The following LRRC4C variants were observed in gnomAD, a reference collection of about 807,000 sequenced individuals.
LRRC4C encodes the protein leucine-rich repeat-containing protein 4C.
In LRRC4C, 5 loss-of-function variants were observed where a neutral mutation model predicts 33.6. That is an observed-to-expected ratio of 0.15 (90% CI 0.08 to 0.31). The LOEUF (loss-of-function observed/expected upper bound fraction) is 0.31, where lower values mean the gene tolerates loss of function less well. LRRC4C is among the 10% of genes least tolerant of loss of function. The probability of loss-of-function intolerance (pLI) is 1.00; values close to 1 mark genes in which losing one functional copy is unlikely to be tolerated. For missense variants in LRRC4C, 560 were observed against 796.7 expected, an observed-to-expected ratio of 0.70 and a Z score of 3.58; for synonymous variants, 329 against 302.0, an observed-to-expected ratio of 1.09 and a Z score of -0.93.
At chr11:40,761,406 T>G (rs957369466) in intron 2 of LRRC4C, among the ~76,000 whole-genome samples, 3 of 152,160 alleles carry the variant, frequency 2.0e-5, no homozygotes, top group African/African-American at 7.2e-5. Context: ...GCAAGCCACT[T>G]AATGAGTTTT....
chr11:40,607,965 C>T (rs560924267), intron 3 of LRRC4C, among the ~76,000 whole-genome samples: 2 of 152,254 alleles, frequency 1.3e-5, no homozygotes, highest in East Asian at 3.9e-4. Context: ...AAGCAAGCCA[C>T]TTCTCCTGTT....
intron 5 of LRRC4C, among the ~76,000 whole-genome samples, chr11:40,212,547 T>C (rs1863681855): frequency 6.6e-6 from 1 of 152,116 alleles, no homozygotes; most frequent in Non-Finnish European, 1.5e-5. Context: ...GTTATATCTC[T>C]TCCAATATGT....
intron 2 of LRRC4C, among the ~76,000 whole-genome samples, chr11:40,749,049 A>G (rs1397395127): frequency 1.3e-5 from 2 of 152,146 alleles, no homozygotes; most frequent in Non-Finnish European, 2.9e-5. Flanking sequence ...AGGAGATTCA[A>G]CGTAAGACAG....
intron 1 of LRRC4C, among the ~76,000 whole-genome samples, chr11:40,953,571 A>G (rs775584500): frequency 4.6e-5 from 7 of 151,904 alleles, no homozygotes; most frequent in Non-Finnish European, 1.0e-4. Flanking sequence ...AGGCATCACT[A>G]TATTTCACAG....
At chr11:40,369,584 C>T (rs1033345647) in intron 3 of LRRC4C, among the ~76,000 whole-genome samples, 9 of 152,196 alleles carry the variant, frequency 5.9e-5, no homozygotes, top group African/African-American at 1.2e-4. Context: ...GTGGTCTGCC[C>T]GCCTCAGCCT....
chr11:41,044,081 T>C (rs1160731435), intron 1 of LRRC4C, among the ~76,000 whole-genome samples: 1 of 152,062 alleles, frequency 6.6e-6, no homozygotes, highest in Admixed American at 6.6e-5. Flanking sequence ...AACTGTCATC[T>C]CTCCTTTGGG....
intron 3 of LRRC4C, among the ~76,000 whole-genome samples, chr11:40,489,294 C>T (rs1207305330): frequency 1.3e-5 from 2 of 152,066 alleles, no homozygotes; most frequent in Non-Finnish European, 2.9e-5. Context: ...TCACTCTCTG[C>T]CTACAATGTC....
intron 5 of LRRC4C, among the ~76,000 whole-genome samples, chr11:40,165,543 T>C (rs756578927): frequency 2.6e-5 from 4 of 152,260 alleles, no homozygotes; most frequent in Non-Finnish European, 5.9e-5. Flanking sequence ...CCACTGATTT[T>C]GGACTCTGCA....
chr11:40,613,688 G>C (rs1961466620), intron 3 of LRRC4C, among the ~76,000 whole-genome samples: 1 of 151,672 alleles, frequency 6.6e-6, no homozygotes, highest in Non-Finnish European at 1.5e-5. Flanking sequence ...AATTTACTTT[G>C]CCAAGATCCA....
At chr11:40,569,928 G>C (rs1957916168) in intron 3 of LRRC4C, among the ~76,000 whole-genome samples, 1 of 144,504 alleles carries the variant, frequency 6.9e-6, no homozygotes, top group Admixed American at 6.7e-5. Flanking sequence ...TTCATAAAAG[G>C]TTTACCGAGT....
chr11:40,652,250 A>G (rs1232107573), intron 2 of LRRC4C, among the ~76,000 whole-genome samples: 1 of 152,302 alleles, frequency 6.6e-6, no homozygotes, highest in East Asian at 1.9e-4. Flanking sequence ...CTTTTCATAG[A>G]TATCTAGGAT....
intron 1 of LRRC4C, among the ~76,000 whole-genome samples, chr11:41,324,299 A>G (rs1263873604): frequency 6.6e-6 from 1 of 152,100 alleles, no homozygotes; most frequent in Non-Finnish European, 1.5e-5. Context: ...GTGTGGTGGC[A>G]TGTGCCTGTA....
At chr11:40,488,229 T>G (rs1953964054) in intron 3 of LRRC4C, among the ~76,000 whole-genome samples, 1 of 152,126 alleles carries the variant, frequency 6.6e-6, no homozygotes, top group Non-Finnish European at 1.5e-5. Flanking sequence ...CCAATTCTTC[T>G]GGCTTAACTC....
intron 3 of LRRC4C, among the ~76,000 whole-genome samples, chr11:40,336,898 A>G (rs1033067592): frequency 7.0e-6 from 1 of 143,264 alleles, no homozygotes; most frequent in African/African-American, 2.6e-5. Context: ...AATGGCGTGA[A>G]CCCGGAAGGC....
At chr11:40,233,326 C>T (rs371124155) in intron 5 of LRRC4C, among the ~76,000 whole-genome samples, 2 of 152,154 alleles carry the variant, frequency 1.3e-5, no homozygotes, top group African/African-American at 4.8e-5. Context: ...AGTTATTTAA[C>T]TGGCATTATG....
At chr11:40,948,636 C>A (rs1392333060) in intron 1 of LRRC4C, among the ~76,000 whole-genome samples, 1 of 147,332 alleles carries the variant, frequency 6.8e-6, no homozygotes, top group African/African-American at 2.5e-5. Context: ...TTTGTTCTTG[C>A]GATAGTTTAC....
intron 2 of LRRC4C, among the ~76,000 whole-genome samples, chr11:40,717,889 T>C (rs1946812820): frequency 6.6e-6 from 1 of 152,186 alleles, no homozygotes; most frequent in South Asian, 2.1e-4. Context: ...AATGCAAAGA[T>C]GGCTTAAATA....
In LRRC4C at chr11:40,139,155, G is replaced by A. The variant is rs139577940; in HGVS notation, c.-43+1646C>T. On this transcript the variant is annotated intron_variant, in intron 6 of 6. Coordinates refer to ENST00000528697, the MANE Select transcript of LRRC4C (RefSeq NM_001258419.2). ...CGAGAACTGAGGGGAAAAGAGTTTCGGAGGGTTAAAGGAAGAAAAGAAGAC... is the reference window on the plus strand; with the variant it reads ...CGAGAACTGAGGGGAAAAGAGTTTCAGAGGGTTAAAGGAAGAAAAGAAGAC... 1.4e-3 allele frequency among the ~76,000 whole-genome samples: 220 copies of A among 152,220 alleles called. 2 individuals are homozygous for A. In the South Asian group the frequency reaches 0.016, roughly 11 times the overall value.
At chr11:40,772,079 C>G (rs1949780338) in intron 2 of LRRC4C, among the ~76,000 whole-genome samples, 1 of 152,166 alleles carries the variant, frequency 6.6e-6, no homozygotes, top group South Asian at 2.1e-4. Context: ...TCCGTTCTCA[C>G]ACTGCTATAA....
Sources: gnomAD v4.1 joint callset for allele counts (sites outside exome capture counted in the v4.1 genomes callset) on GRCh38, gnomAD v4.1.1 for gene constraint, MANE v1.5 for transcripts, NCBI Gene and HGNC (gene_info 2026-07-23, HGNC 2026-07-21) for gene names.